The following TSPAN15 variants were observed in gnomAD, a reference collection of about 807,000 sequenced individuals.
TSPAN15 encodes the protein tetraspanin-15.
Under a neutral mutation model 34.5 loss-of-function variants are expected in TSPAN15, and 20 were observed. The observed-to-expected ratio is 0.58, with a 90% CI of 0.41 to 0.84. TSPAN15 has a LOEUF of 0.84. TSPAN15 is among the 40% of genes least tolerant of loss of function. The probability of loss-of-function intolerance (pLI) is 0.00; values close to 1 mark genes in which losing one functional copy is unlikely to be tolerated. For missense variants in TSPAN15, 313 were observed against 386.1 expected (o/e 0.81, Z 1.59); for synonymous variants, 155 against 153.9 (o/e 1.01, Z -0.05).
the TSPAN15 span, among the ~76,000 whole-genome samples, chr10:69,523,956 C>T: frequency 6.8e-5 from 10 of 147,790 alleles, 4 homozygotes; most frequent in East Asian, 2.5e-3. Flanking sequence ...AATCAGGATT[C>T]ACTCTGTATT....
the TSPAN15 span, among the ~76,000 whole-genome samples, chr10:69,528,393 C>T: frequency 6.7e-5 from 10 of 148,656 alleles, 1 homozygote; most frequent in South Asian, 6.3e-4. Context: ...CTCTCCTCTT[C>T]GCCCACAACA....
intron 5 of TSPAN15, among the ~76,000 whole-genome samples, chr10:69,503,753 G>A (rs1160094199): frequency 2.0e-5 from 3 of 152,174 alleles, no homozygotes; most frequent in African/African-American, 7.2e-5. Context: ...GGTGGTTGGA[G>A]AAGGAGACCC....
In TSPAN15 at chr10:69,469,611, G is replaced by A. The variant is rs373761210; in HGVS notation, c.97-14080G>A. Among the ~76,000 whole-genome samples, 88 of 152,230 alleles carry A rather than the reference G, an allele frequency of 5.8e-4. No homozygotes were observed. In the South Asian group the frequency reaches 0.018, roughly 31 times the overall value. On this transcript the variant is annotated intron_variant, in intron 1 of 7. Coordinates refer to ENST00000373290, the MANE Select transcript of TSPAN15 (RefSeq NM_012339.5). Reference sequence around the variant, plus strand: ...TCCCACCTTAGCCTCCCACGTATTAGGTTGGTGCAAAAGTAATTGCAGTTT... The same window carrying A: ...TCCCACCTTAGCCTCCCACGTATTAAGTTGGTGCAAAAGTAATTGCAGTTT...
chr10:69,491,814 G>T (rs552493442), intron 3 of TSPAN15, among the ~76,000 whole-genome samples: 2 of 152,272 alleles, frequency 1.3e-5, no homozygotes, highest in African/African-American at 4.8e-5. Flanking sequence ...TTGGTCCTGT[G>T]CAGGCAGCTG....
rs768718486 is a variant in TSPAN15 at position 69,504,436 on chromosome 10, A to C, written c.571-2A>C. 9 of 1,613,558 alleles carry C rather than the reference A, an allele frequency of 5.6e-6. No individual in the cohort carries two copies. The South Asian group carries it at 9.9e-5, about 18-fold the overall frequency. ...ATTAGCTATTATACATTTCCATTTC[A>C]GACAGAAGTTGTCAACACCATGTGT... is the stretch of plus-strand genomic sequence containing the variant. On this transcript the variant is annotated splice_acceptor_variant, in intron 5 of 7. Coordinates refer to ENST00000373290, the MANE Select transcript of TSPAN15 (RefSeq NM_012339.5). LOFTEE classifies it high-confidence loss of function.
At chr10:69,492,344 C>T (rs1167495216) in intron 3 of TSPAN15, among the ~76,000 whole-genome samples, 1 of 152,228 alleles carries the variant, frequency 6.6e-6, no homozygotes, top group East Asian at 1.9e-4. Context: ...GATCTTCTCA[C>T]ACACACCCAC....
the TSPAN15 span, among the ~76,000 whole-genome samples, chr10:69,524,449 G>C: frequency 6.8e-6 from 1 of 147,452 alleles, no homozygotes; most frequent in African/African-American, 2.5e-5. Context: ...CTGGGTGACA[G>C]AGTGAGACTC....
At chr10:69,491,510 A>G (rs1841968763) in intron 3 of TSPAN15, among the ~76,000 whole-genome samples, 1 of 131,720 alleles carries the variant, frequency 7.6e-6, no homozygotes. Context: ...CTACAGGTGC[A>G]TGCCACCATG....
In TSPAN15 at chr10:69,506,178, A is replaced by C; in HGVS notation, c.673A>C (p.Ile225Leu). Residue 225 changes from isoleucine (I) to leucine (L), a missense_variant, in exon 7 of 8, where the codon ATC becomes CTC. By Grantham distance (5) the Ile-to-Leu change is conservative (BLOSUM62 2). Transcript: ENST00000373290. This position sits in a 1 kb window ranked among gnomAD's most constrained non-coding sequence, Gnocchi z 4.7. ...YVRGCTNAVI[I>L]WFMDNYTIMA... ...GCGGGGCTGCACCAACGCCGTGATC[A>C]TCTGGTTCATGGACAACTACACCAT... The C allele has an allele frequency of 1.9e-6, 3 of 1,614,194 alleles. No homozygotes were observed. The highest frequency in any genetic ancestry group is 1.6e-4 in the Middle Eastern group (1 of 6,062).
intron 1 of TSPAN15, among the ~76,000 whole-genome samples, chr10:69,461,582 G>A (rs1480817206): frequency 6.6e-6 from 1 of 152,192 alleles, no homozygotes; most frequent in Non-Finnish European, 1.5e-5. Flanking sequence ...CTCTCCGGCT[G>A]TGCTGGGTGC....
chr10:69,516,266 G>A, the TSPAN15 span, among the ~76,000 whole-genome samples: 18 of 152,352 alleles, frequency 1.2e-4, 1 homozygote, highest in South Asian at 3.7e-3. Flanking sequence ...GGGGCTTAGA[G>A]ATCAGCTGAC....
chr10:69,455,610 C>CTTTCTTTCTTTCTTTCTT (rs1564595618), intron 1 of TSPAN15, among the ~76,000 whole-genome samples: 12 of 87,532 alleles, frequency 1.4e-4, no homozygotes, highest in African/African-American at 5.1e-4. Flanking sequence ...CTTTCTTTCT[C>CTTTCTTTCTTTCTTTCTT]TCTCTCTCTC....
At chr10:69,461,364 A>G (rs1015938501) in intron 1 of TSPAN15, among the ~76,000 whole-genome samples, 7 of 152,180 alleles carry the variant, frequency 4.6e-5, no homozygotes, top group African/African-American at 1.2e-4. Context: ...CAGGGAAGCA[A>G]GTATTTCACT....
At chr10:69,516,664 G>T in the TSPAN15 span, among the ~76,000 whole-genome samples, 1 of 152,164 alleles carries the variant, frequency 6.6e-6, no homozygotes. Context: ...CCCTGCGAGG[G>T]CTCAGCACCC....
the TSPAN15 span, among the ~76,000 whole-genome samples, chr10:69,537,648 G>A: frequency 5.9e-5 from 9 of 152,260 alleles, no homozygotes; most frequent in South Asian, 2.1e-4. Flanking sequence ...CCACTATGAC[G>A]TCATCCTAAC....
At chr10:69,520,411 C>T in the TSPAN15 span, among the ~76,000 whole-genome samples, 1 of 152,188 alleles carries the variant, frequency 6.6e-6, no homozygotes, top group Non-Finnish European at 1.5e-5. Context: ...CCTGTAATCT[C>T]AGCACTTTCA....
chr10:69,482,337 G>A (rs1190953402), intron 1 of TSPAN15, among the ~76,000 whole-genome samples: 1 of 152,236 alleles, frequency 6.6e-6, no homozygotes, highest in Non-Finnish European at 1.5e-5. Context: ...GAGCACACAT[G>A]GCAGTTGACA....
At chr10:69,501,032 G>T (rs901187653) in intron 5 of TSPAN15, among the ~76,000 whole-genome samples, 1 of 152,132 alleles carries the variant, frequency 6.6e-6, no homozygotes, top group Admixed American at 6.5e-5. Context: ...AGATGTGGGC[G>T]ATGAATGAAA....
intron 2 of TSPAN15, among the ~76,000 whole-genome samples, chr10:69,484,923 C>T (rs1841818624): frequency 6.6e-6 from 1 of 152,178 alleles, no homozygotes; most frequent in South Asian, 2.1e-4. Flanking sequence ...AGCTGAGTCA[C>T]TCTTCCTGCC....
Sources: gnomAD v4.1 joint callset for allele counts (sites outside exome capture counted in the v4.1 genomes callset) on GRCh38, gnomAD v4.1.1 for gene constraint, Gnocchi (gnomAD v3.1) non-coding constraint, MANE v1.5 for transcripts, NCBI Gene and HGNC (gene_info 2026-07-23, HGNC 2026-07-21) for gene names.